Variants in CHST11 observed in about 807,000 individuals in gnomAD.
CHST11 encodes the protein C4S-1.
A neutral mutation model predicts 30.4 loss-of-function variants in CHST11; 9 were observed. That is an observed-to-expected ratio of 0.30 (90% CI 0.18 to 0.52). The LOEUF (loss-of-function observed/expected upper bound fraction) is 0.52, where lower values mean the gene tolerates loss of function less well. Ranked by LOEUF, CHST11 falls within the 20% of genes least tolerant of loss-of-function variation. CHST11 has a pLI of 0.97. For synonymous variants in CHST11, 152 were observed against 187.8 expected (o/e 0.81, Z 1.56); for missense variants, 348 against 460.6 (o/e 0.76, Z 2.24).
chr12:104,646,516 G>A (rs756529643), intron 2 of CHST11, among the ~76,000 whole-genome samples: 34 of 151,996 alleles, frequency 2.2e-4, no homozygotes, highest in Non-Finnish European at 4.6e-4. Flanking sequence ...GGTGGATCAC[G>A]AGGTCAAGAG....
rs1218897475 is a variant in CHST11, at chr12:104,750,872, C to A, written c.205-6077C>A. ...TTTTAAAATTAAAAAATTATAAAAA[C>A]CAATTAAAATGTATTTTTAAAAACA... On this transcript the variant is annotated intron_variant, in intron 2 of 2. Coordinates refer to ENST00000303694, the MANE Select transcript of CHST11 (RefSeq NM_018413.6). 4.6e-5 allele frequency among the ~76,000 whole-genome samples: 7 copies of A among 152,154 alleles called. No individual in the cohort carries two copies. In the East Asian group the frequency reaches 1.2e-3, roughly 25 times the overall value.
intron 2 of CHST11, among the ~76,000 whole-genome samples, chr12:104,756,706 C>G (rs1228924493): frequency 3.3e-5 from 5 of 152,014 alleles, no homozygotes; most frequent in Non-Finnish European, 7.4e-5. Flanking sequence ...CGCCACCATG[C>G]CTTCCTAATT....
intron 2 of CHST11, among the ~76,000 whole-genome samples, chr12:104,603,571 AC>A (rs916767433): frequency 6.6e-6 from 1 of 152,178 alleles, no homozygotes; most frequent in Non-Finnish European, 1.5e-5. Flanking sequence ...TAGTTGTGCA[AC>A]CCTGAATATA....
At chr12:104,516,992 A>C (rs879463678) in intron 1 of CHST11, among the ~76,000 whole-genome samples, 4 of 152,082 alleles carry the variant, frequency 2.6e-5, no homozygotes, top group African/African-American at 4.8e-5. Context: ...TTTACTGAGC[A>C]CTTCTTATGT....
chr12:104,460,019 A>G (rs2037392190), intron 1 of CHST11, among the ~76,000 whole-genome samples: 1 of 152,196 alleles, frequency 6.6e-6, no homozygotes, highest in African/African-American at 2.4e-5. Flanking sequence ...TACATTAAAC[A>G]TTTTCTTTTT....
At chr12:104,606,319 A>G (rs2039004935) in intron 2 of CHST11, among the ~76,000 whole-genome samples, 2 of 151,996 alleles carry the variant, frequency 1.3e-5, no homozygotes, top group South Asian at 2.1e-4. Context: ...AGACTCCAGG[A>G]AGCAGGATGA....
At chr12:104,707,138 G>A (rs1452818126) in intron 2 of CHST11, among the ~76,000 whole-genome samples, 1 of 152,216 alleles carries the variant, frequency 6.6e-6, no homozygotes, top group African/African-American at 2.4e-5. Context: ...TGATGGAAGT[G>A]TTTTAGGTTG....
Position 104,693,460 on chromosome 12 carries a change from A to G in CHST11, c.205-63489A>G, listed in dbSNP as rs766397127. 2.6e-5 allele frequency among the ~76,000 whole-genome samples: 4 copies of G among 152,208 alleles called. No homozygotes were observed. The South Asian group carries it at 8.3e-4, about 32-fold the overall frequency. ...CGTCATTAATATTTGTGCTGGGTCAACAGGCATAAGATGAGGCTGTCTCAG... is the reference window on the plus strand; with the variant it reads ...CGTCATTAATATTTGTGCTGGGTCAGCAGGCATAAGATGAGGCTGTCTCAG... On this transcript the variant is annotated intron_variant, in intron 2 of 2. Coordinates refer to ENST00000303694, the MANE Select transcript of CHST11 (RefSeq NM_018413.6).
chr12:104,574,117 T>C (rs1481154616), intron 1 of CHST11, among the ~76,000 whole-genome samples: 2 of 152,148 alleles, frequency 1.3e-5, no homozygotes, highest in Non-Finnish European at 2.9e-5. Flanking sequence ...AAAATGCTCA[T>C]CATCACTGGC....
intron 1 of CHST11, among the ~76,000 whole-genome samples, chr12:104,484,306 G>A (rs1417751065): frequency 6.6e-6 from 1 of 152,088 alleles, no homozygotes; most frequent in East Asian, 1.9e-4. Flanking sequence ...GACGATTCAC[G>A]ATCACATTAA....
intron 1 of CHST11, among the ~76,000 whole-genome samples, chr12:104,581,348 A>G (rs753957558): frequency 6.6e-6 from 1 of 152,316 alleles, no homozygotes; most frequent in South Asian, 2.1e-4. Context: ...CTATGTTTAT[A>G]TATGTATATC....
chr12:104,561,246 G>A (rs551182897), intron 1 of CHST11, among the ~76,000 whole-genome samples: 1 of 152,282 alleles, frequency 6.6e-6, no homozygotes, highest in East Asian at 1.9e-4. Context: ...CTGATGTGGC[G>A]ACGCCATGGC....
chr12:104,487,163 C>T (rs562093074), intron 1 of CHST11, among the ~76,000 whole-genome samples: 36 of 152,202 alleles, frequency 2.4e-4, no homozygotes, highest in Non-Finnish European at 4.4e-4. Flanking sequence ...GTAATAACCC[C>T]GTTATCAACA....
intron 2 of CHST11, among the ~76,000 whole-genome samples, chr12:104,684,155 A>C (rs2039823705): frequency 6.6e-6 from 1 of 152,180 alleles, no homozygotes. Flanking sequence ...CTCTTGCAAA[A>C]CTGTGCGTAG....
rs574851424 is a variant in CHST11 at position 104,493,828 on chromosome 12, C to T, written c.118+36299C>T. ...ATCACATGTGCAGCAGCAGGGTGTTCGGTTTTGTTTTTTGAGACTGGGTCT... is the reference window on the plus strand; with the variant it reads ...ATCACATGTGCAGCAGCAGGGTGTTTGGTTTTGTTTTTTGAGACTGGGTCT... On this transcript the variant is annotated intron_variant, in intron 1 of 2. Coordinates refer to ENST00000303694, the MANE Select transcript of CHST11 (RefSeq NM_018413.6). Among the ~76,000 whole-genome samples, 15 of 152,266 alleles carry T rather than the reference C, an allele frequency of 9.9e-5. No individual in the cohort carries two copies. In the South Asian group the frequency reaches 2.3e-3, roughly 23 times the overall value.
rs191472557 is a variant in CHST11, at chr12:104,622,119, A to G, written c.204+20128A>G. Among the ~76,000 whole-genome samples, 142 of 152,336 alleles carry G rather than the reference A, an allele frequency of 9.3e-4. 1 individual carries two copies. The Middle Eastern group carries it at 0.02, about 22-fold the overall frequency. ...GGCAGGGAATAGGCTGAGTTGATAC[A>G]ACCAAAATCCTTGTACATATTCATA... On this transcript the variant is annotated intron_variant, in intron 2 of 2. Transcript: ENST00000303694.
chr12:104,604,028 A>G (rs375797669), intron 2 of CHST11, among the ~76,000 whole-genome samples: 2 of 152,278 alleles, frequency 1.3e-5, no homozygotes, highest in African/African-American at 2.4e-5. Context: ...GCTGGGCACA[A>G]AAGGGTGGAG....
In CHST11 at chr12:104,558,469, C is replaced by T. The variant is rs148711129; in HGVS notation, c.119-43437C>T. ...GGCCCCCATTTCTGTACCCTCTCCG[C>T]CCCTCCCCTCCCAAAGTGTACAGAA... On this transcript the variant is annotated intron_variant, in intron 1 of 2. Coordinates refer to ENST00000303694, the MANE Select transcript of CHST11 (RefSeq NM_018413.6). 2.3e-3 allele frequency among the ~76,000 whole-genome samples: 356 copies of T among 151,934 alleles called. 2 individuals are homozygous for T. The highest frequency in any genetic ancestry group is 7.9e-3 in the African/African-American group (329 of 41,400).
intron 2 of CHST11, among the ~76,000 whole-genome samples, chr12:104,652,247 G>A (rs939617501): frequency 1.3e-5 from 2 of 152,168 alleles, no homozygotes. Context: ...TAGATGAGAA[G>A]AATAACTGCC....
Sources: gnomAD v4.1 joint callset for allele counts (sites outside exome capture counted in the v4.1 genomes callset) on GRCh38, gnomAD v4.1.1 for gene constraint, MANE v1.5 for transcripts, NCBI Gene and HGNC (gene_info 2026-07-23, HGNC 2026-07-21) for gene names.